The following SMAD1 variants were observed in gnomAD, a reference collection of about 807,000 sequenced individuals.
The protein encoded by SMAD1 is MAD, mothers against decapentaplegic homolog 1.
Under a neutral mutation model 41.6 loss-of-function variants are expected in SMAD1, and 6 were observed. The ratio of observed to expected loss-of-function variants is 0.14; its 90% confidence interval spans 0.08 to 0.28. The LOEUF (loss-of-function observed/expected upper bound fraction) is 0.28, where lower values mean the gene tolerates loss of function less well. Among genes scored for constraint, SMAD1 ranks in the 10% least tolerant of loss-of-function variants. The pLI is 1.00. For missense variants in SMAD1, 379 were observed against 582.6 expected (o/e 0.65, Z 3.60); for synonymous variants, 206 against 203.2 (o/e 1.01, Z -0.12).
At chr4:145,531,622 G>T (rs916924256) in intron 2 of SMAD1, among the ~76,000 whole-genome samples, 6 of 152,146 alleles carry the variant, frequency 3.9e-5, no homozygotes, top group African/African-American at 1.4e-4. Flanking sequence ...AAGACCCTGT[G>T]GAGAGCAAGT....
chr4:145,484,967 G>A (rs949735936), intron 1 of SMAD1, among the ~76,000 whole-genome samples: 2 of 152,194 alleles, frequency 1.3e-5, no homozygotes, highest in African/African-American at 4.8e-5. Context: ...AGGAAAAGAA[G>A]ATCCTTATTT....
chr4:145,502,433 C>G (rs747252115), intron 1 of SMAD1, among the ~76,000 whole-genome samples: 1 of 152,124 alleles, frequency 6.6e-6, no homozygotes, highest in Non-Finnish European at 1.5e-5. Context: ...AATAAGAAAA[C>G]TTTCAATTGC....
chr4:145,533,829 T>C (rs192891768), intron 2 of SMAD1, among the ~76,000 whole-genome samples: 5 of 152,288 alleles, frequency 3.3e-5, no homozygotes, highest in African/African-American at 9.6e-5. Flanking sequence ...TCATTGAAAA[T>C]AGCAACAACT....
intron 1 of SMAD1, among the ~76,000 whole-genome samples, chr4:145,496,594 ATACAG>A (rs770062944): frequency 2.0e-5 from 3 of 152,142 alleles, no homozygotes; most frequent in Non-Finnish European, 4.4e-5. Context: ...TGGATAGAAA[ATACAG>A]TATTTGCAGA....
At position 145,536,717 on chromosome 4, in the gene SMAD1, G is replaced by T. The variant is rs1731634416; in HGVS notation, c.401-3087G>T. ...TCAAGCAAAATGGATGCTAAATATAGGGGATAAAGCTTGATAAGGAACAGG... is the reference window on the plus strand; with the variant it reads ...TCAAGCAAAATGGATGCTAAATATATGGGATAAAGCTTGATAAGGAACAGG... On this transcript the variant is annotated intron_variant, in intron 2 of 6. Transcript: ENST00000302085. 2.0e-5 allele frequency among the ~76,000 whole-genome samples: 3 copies of T among 152,270 alleles called. No homozygotes were observed. In the South Asian group the frequency reaches 6.2e-4, roughly 32 times the overall value.
intron 5 of SMAD1, among the ~76,000 whole-genome samples, chr4:145,552,787 A>G (rs1732622150): frequency 6.6e-6 from 1 of 152,226 alleles, no homozygotes; most frequent in Non-Finnish European, 1.5e-5. Flanking sequence ...TTTATAGTAA[A>G]TACATAGCAT....
chr4:145,494,839 T>G (rs1355998206), intron 1 of SMAD1, among the ~76,000 whole-genome samples: 1 of 152,218 alleles, frequency 6.6e-6, no homozygotes, highest in Non-Finnish European at 1.5e-5. Context: ...CAGTTGTGGG[T>G]GCTCAGACAC....
rs897549825 is a variant in SMAD1 at position 145,558,695 on chromosome 4, G to GC, written c.*762dup. Among the ~76,000 whole-genome samples the GC allele has an allele frequency of 6.6e-6, 1 of 151,106 alleles. No individual in the cohort carries two copies. Among genetic ancestry groups the GC allele is most frequent in the Non-Finnish European group, 1.5e-5 (1 of 67,854 alleles). On this transcript the variant is annotated 3_prime_UTR_variant, in exon 7 of 7. Coordinates refer to ENST00000302085, the MANE Select transcript of SMAD1 (RefSeq NM_005900.3). ...AGAAACAAACTGATACCTGAATTTT[G>GC]CTGTGTTTCCATTTTTTAGAGATTT...
At chr4:145,498,865 G>A (rs193209112) in intron 1 of SMAD1, among the ~76,000 whole-genome samples, 1 of 152,074 alleles carries the variant, frequency 6.6e-6, no homozygotes, top group East Asian at 1.9e-4. Context: ...TTCCATTATT[G>A]TTAGGCACCT....
At chr4:145,519,247 C>A (rs1286646286) in intron 2 of SMAD1, among the ~76,000 whole-genome samples, 2 of 70,252 alleles carry the variant, frequency 2.8e-5, no homozygotes, top group African/African-American at 6.4e-5. Flanking sequence ...AGACGTGCAT[C>A]ACCACGCCCA....
intron 2 of SMAD1, among the ~76,000 whole-genome samples, chr4:145,522,966 C>T (rs959066307): frequency 2.6e-5 from 4 of 151,996 alleles, no homozygotes; most frequent in African/African-American, 7.3e-5. Flanking sequence ...CGTGAGCCAC[C>T]GTGCCTGGCT....
chr4:145,545,664 G>T (rs1369811359), intron 4 of SMAD1: 1 of 151,962 alleles, frequency 6.6e-6, no homozygotes, highest in East Asian at 1.9e-4. Flanking sequence ...GAACACAGAG[G>T]TGCTTCTCCC....
chr4:145,554,818 A>G (rs1052106072), intron 6 of SMAD1, among the ~76,000 whole-genome samples: 5 of 152,152 alleles, frequency 3.3e-5, no homozygotes, highest in African/African-American at 1.2e-4. Flanking sequence ...TCAAAAATAA[A>G]TTTCATTCTC....
rs959259195 is a variant in SMAD1 at position 145,514,153 on chromosome 4, G to C, written c.-176-285G>C. Among the ~76,000 whole-genome samples the C allele has an allele frequency of 6.6e-6, 1 of 152,142 alleles. No homozygotes were observed. The highest frequency in any genetic ancestry group is 6.6e-5 in the Admixed American group (1 of 15,266). ...GTACCCTCAGTGTGTGTGCATAGAG[G>C]CTGGAGGAGGGAGATAGCAATCTTA... On this transcript the variant is annotated intron_variant, in intron 1 of 6. Coordinates refer to ENST00000302085, the MANE Select transcript of SMAD1 (RefSeq NM_005900.3). This position sits in a 1 kb window ranked among gnomAD's most constrained non-coding sequence, Gnocchi z 4.7.
At chr4:145,503,862 T>C (rs1354942408) in intron 1 of SMAD1, 1 of 152,210 alleles carries the variant, frequency 6.6e-6, no homozygotes, top group African/African-American at 2.4e-5. Context: ...TGCATGTAGG[T>C]GTGTGTGTGA....
chr4:145,494,106 T>G (rs1284214735), intron 1 of SMAD1, among the ~76,000 whole-genome samples: 1 of 151,912 alleles, frequency 6.6e-6, no homozygotes, highest in Non-Finnish European at 1.5e-5. Flanking sequence ...GGATTGCAGG[T>G]GCCCGCCACC....
At chr4:145,533,827 A>T (rs1193402029) in intron 2 of SMAD1, among the ~76,000 whole-genome samples, 1 of 152,250 alleles carries the variant, frequency 6.6e-6, no homozygotes, top group Non-Finnish European at 1.5e-5. Context: ...TCTCATTGAA[A>T]ATAGCAACAA....
At chr4:145,525,796 A>T (rs983737437) in intron 2 of SMAD1, 3 of 152,238 alleles carry the variant, frequency 2.0e-5, no homozygotes, top group Non-Finnish European at 2.9e-5. Context: ...TCTGCTCCAC[A>T]TAAAACTATG....
At chr4:145,521,756 A>G (rs532272212) in intron 2 of SMAD1, among the ~76,000 whole-genome samples, 2 of 152,264 alleles carry the variant, frequency 1.3e-5, no homozygotes, top group Admixed American at 6.5e-5. Flanking sequence ...TCTTGACTGT[A>G]TCAATGTCAA....
Sources: gnomAD v4.1 joint callset for allele counts (sites outside exome capture counted in the v4.1 genomes callset) on GRCh38, gnomAD v4.1.1 for gene constraint, Gnocchi (gnomAD v3.1) non-coding constraint, MANE v1.5 for transcripts, NCBI Gene and HGNC (gene_info 2026-07-23, HGNC 2026-07-21) for gene names.